ARHGAP22: variants seen among roughly 807,000 people sequenced by gnomAD.
ARHGAP22 encodes the protein Rho GTPase activating protein 22.
In ARHGAP22, 48 loss-of-function variants were observed where a neutral mutation model predicts 59.1. The observed-to-expected ratio is 0.81, with a 90% confidence interval of 0.64 to 1.03. ARHGAP22 has a LOEUF of 1.03. ARHGAP22 is among the 50% of genes least tolerant of loss of function. The pLI is 0.00. For missense variants in ARHGAP22, 1,015 were observed against 958.7 expected, an observed-to-expected ratio of 1.06 and a Z score of -0.78; for synonymous variants, 445 against 416.4, an observed-to-expected ratio of 1.07 and a Z score of -0.84.
chr10:48,605,330 A>ACCCCCCCCCC (rs111746464), upstream of ARHGAP22, among the ~76,000 whole-genome samples: 4 of 91,320 alleles, frequency 4.4e-5, no homozygotes, highest in Non-Finnish European at 7.6e-5. Context: ...GGTAGCCGAG[A>ACCCCCCCCCC]CCCCCCCCCC....
chr10:48,543,363 G>A (rs2056141477), intron 3 of ARHGAP22, among the ~76,000 whole-genome samples: 1 of 152,136 alleles, frequency 6.6e-6, no homozygotes. Context: ...ACATCTCTCT[G>A]CATCCCAGAT....
the ARHGAP22 span, among the ~76,000 whole-genome samples, chr10:48,439,991 G>A: frequency 1.3e-5 from 2 of 152,222 alleles, no homozygotes; most frequent in Non-Finnish European, 2.9e-5. Flanking sequence ...TTTCATCACC[G>A]TCATAGAGAG....
intron 4 of ARHGAP22, among the ~76,000 whole-genome samples, chr10:48,474,575 T>C (rs979702744): frequency 6.6e-6 from 1 of 152,210 alleles, no homozygotes; most frequent in Non-Finnish European, 1.5e-5. Flanking sequence ...AGTGGGCTTT[T>C]TGGAGATGCC....
At chr10:48,492,438 T>C (rs1398791018) in intron 3 of ARHGAP22, among the ~76,000 whole-genome samples, 2 of 152,226 alleles carry the variant, frequency 1.3e-5, no homozygotes, top group African/African-American at 4.8e-5. Context: ...TAGAGCAGTG[T>C]GATCCAACAG....
rs562972335 is a variant in ARHGAP22, at chr10:48,592,027, G to C, written c.35-8875C>G. The stretch of plus-strand genomic sequence containing the variant: ...TTGATATCTAAAAATGTAAAAACCT[G>C]AGTGCCCGTTAGTAAGAAAATGGAC... On this transcript the variant is annotated intron_variant, in intron 1 of 9. Transcript: ENST00000249601. Among the ~76,000 whole-genome samples the C allele has an allele frequency of 3.3e-5, 5 of 152,146 alleles. No individual in the cohort carries two copies. In the East Asian group the frequency reaches 9.6e-4, roughly 29 times the overall value.
chr10:48,566,613 C>G (rs1055737030), intron 2 of ARHGAP22, among the ~76,000 whole-genome samples: 7 of 152,230 alleles, frequency 4.6e-5, no homozygotes, highest in African/African-American at 1.4e-4. Flanking sequence ...ACCTGTGAAC[C>G]TGTGAACTCC....
At chr10:48,619,300 T>C (rs2061200689) in intron 1 of ARHGAP22, among the ~76,000 whole-genome samples, 1 of 152,174 alleles carries the variant, frequency 6.6e-6, no homozygotes. Flanking sequence ...GTGAAATCTC[T>C]GTAAAATACC....
intron 2 of ARHGAP22, among the ~76,000 whole-genome samples, chr10:48,576,181 A>G (rs2058702139): frequency 2.0e-5 from 3 of 152,198 alleles, no homozygotes; most frequent in African/African-American, 7.2e-5. Context: ...GTGGACTGCC[A>G]GACACATAGC....
chr10:48,451,195 C>G (rs774532375), intron 8 of ARHGAP22, 55 bp from the exon 9 acceptor site: 52 of 1,548,796 alleles, frequency 3.4e-5, no homozygotes, highest in Non-Finnish European at 4.1e-5. Flanking sequence ...GGCCCAGGCT[C>G]GCTCTGCCAG....
intron 1 of ARHGAP22, among the ~76,000 whole-genome samples, chr10:48,647,932 A>G (rs927456245): frequency 4.6e-5 from 7 of 152,218 alleles, no homozygotes; most frequent in African/African-American, 1.7e-4. Flanking sequence ...AAGAAGCCCA[A>G]TGCAAAACAC....
intron 3 of ARHGAP22, among the ~76,000 whole-genome samples, chr10:48,480,303 G>A (rs1009798009): frequency 6.6e-5 from 10 of 152,150 alleles, no homozygotes; most frequent in African/African-American, 2.2e-4. Context: ...CCCATCTCAC[G>A]GCTAGACAGT....
intron 1 of ARHGAP22, among the ~76,000 whole-genome samples, chr10:48,648,015 T>A (rs764138291): frequency 6.6e-6 from 1 of 152,192 alleles, no homozygotes; most frequent in Non-Finnish European, 1.5e-5. Context: ...AGCAGATCAA[T>A]GGTTTCCTTA....
the ARHGAP22 span, among the ~76,000 whole-genome samples, chr10:48,431,901 ATACTT>A: frequency 6.6e-6 from 1 of 152,228 alleles, no homozygotes; most frequent in Non-Finnish European, 1.5e-5. Context: ...AGTGGTTTAT[ATACTT>A]TATTTCATTC....
At chr10:48,605,330 A>ACCCCCCCCCCCCCCCCCCCCCCC (rs111746464), upstream of ARHGAP22, among the ~76,000 whole-genome samples, 1 of 91,314 alleles carries the variant, frequency 1.1e-5, no homozygotes, top group Non-Finnish European at 2.5e-5. Flanking sequence ...GGTAGCCGAG[A>ACCCCCCCCCCCCCCCCCCCCCCC]CCCCCCCCCC....
At chr10:48,641,241 C>T (rs1426870400) in intron 1 of ARHGAP22, among the ~76,000 whole-genome samples, 1 of 152,040 alleles carries the variant, frequency 6.6e-6, no homozygotes, top group Non-Finnish European at 1.5e-5. Context: ...TAAATTCAAA[C>T]ATATCAATAA....
rs193267487 is a variant in ARHGAP22 at position 48,471,888 on chromosome 10, C to T, written c.451+7748G>A. 3.6e-3 allele frequency among the ~76,000 whole-genome samples: 552 copies of T among 152,348 alleles called. 10 individuals carry two copies. Among genetic ancestry groups the T allele is most frequent in the South Asian group, 5.4e-3 (26 of 4,814 alleles). ...TCAAGACATTTCTCGGCTCAAAGCCCTCCAATGCCCCCTCCTCATTTCAGA... is the reference window on the plus strand; with the variant it reads ...TCAAGACATTTCTCGGCTCAAAGCCTTCCAATGCCCCCTCCTCATTTCAGA... On this transcript the variant is annotated intron_variant, in intron 4 of 9. Coordinates refer to ENST00000249601, the MANE Select transcript of ARHGAP22 (RefSeq NM_021226.4).
At chr10:48,492,306 C>T (rs181700897) in intron 3 of ARHGAP22, among the ~76,000 whole-genome samples, 206 of 152,098 alleles carry the variant, frequency 1.4e-3, no homozygotes, top group African/African-American at 4.5e-3. Flanking sequence ...GTGGCAGCAG[C>T]AATGTATGAT....
intron 1 of ARHGAP22, among the ~76,000 whole-genome samples, chr10:48,640,659 A>C (rs1429848909): frequency 6.6e-6 from 1 of 152,246 alleles, no homozygotes; most frequent in Non-Finnish European, 1.5e-5. Flanking sequence ...AAATAAAGAT[A>C]TTTCCAGAAA....
At chr10:48,532,684 T>G (rs1486902368) in intron 3 of ARHGAP22, 1 of 148,618 alleles carries the variant, frequency 6.7e-6, no homozygotes. Flanking sequence ...CCCCTTCCTG[T>G]GTCCAAGTGT....
Sources: gnomAD v4.1 joint callset for allele counts (sites outside exome capture counted in the v4.1 genomes callset) on GRCh38, gnomAD v4.1.1 for gene constraint, MANE v1.5 for transcripts, NCBI Gene and HGNC (gene_info 2026-07-23, HGNC 2026-07-21) for gene names.